The following SGCZ variants were observed in gnomAD, a reference collection of about 807,000 sequenced individuals.
SGCZ encodes sarcoglycan zeta, also known as zeta-sarcoglycan.
Under a neutral mutation model 41.3 loss-of-function variants are expected in SGCZ, and 40 were observed. The ratio of observed to expected loss-of-function variants is 0.97; its 90% confidence interval spans 0.75 to 1.26. The LOEUF (loss-of-function observed/expected upper bound fraction) is 1.26. SGCZ is among the 50% of genes most tolerant of loss of function. The pLI, the probability that SGCZ is intolerant of heterozygous loss-of-function variation, is 0.00. For synonymous variants in SGCZ, 206 were observed against 137.5 expected, an observed-to-expected ratio of 1.50 and a Z score of -3.49; for missense variants, 552 against 369.8, an observed-to-expected ratio of 1.49 and a Z score of -4.04.
At chr8:14,204,125 C>T (rs900452335) in intron 4 of SGCZ, among the ~76,000 whole-genome samples, 1 of 152,028 alleles carries the variant, frequency 6.6e-6, no homozygotes, top group Non-Finnish European at 1.5e-5. Flanking sequence ...TTCGGACCGT[C>T]TTCGGCAAAT....
chr8:15,139,677 T>C (rs576789050), intron 1 of SGCZ, among the ~76,000 whole-genome samples: 3 of 152,028 alleles, frequency 2.0e-5, no homozygotes, highest in East Asian at 3.9e-4. Context: ...CCATAAAATA[T>C]TTTAACTATA....
chr8:14,388,358 G>C (rs191996171), intron 2 of SGCZ, among the ~76,000 whole-genome samples: 27 of 151,846 alleles, frequency 1.8e-4, no homozygotes, highest in Non-Finnish European at 3.2e-4. Flanking sequence ...AAAGAGAATT[G>C]GTCAACAATG....
At chr8:14,128,158 A>T (rs1219760293) in intron 5 of SGCZ, among the ~76,000 whole-genome samples, 3 of 152,210 alleles carry the variant, frequency 2.0e-5, no homozygotes, top group Non-Finnish European at 2.9e-5. Context: ...TATTTCAACC[A>T]TTGTGGAAGA....
In SGCZ at chr8:15,047,719, A is replaced by T. The variant is rs548230183; in HGVS notation, c.39+189866T>A. ...TTCTATTATTATTGTCACTGCGCAT[A>T]ATCTGAATGTTTCTATAGCTGCATT... On this transcript the variant is annotated intron_variant, in intron 1 of 7. Transcript: ENST00000382080. Among the ~76,000 whole-genome samples the T allele has an allele frequency of 3.3e-5, 5 of 152,148 alleles. No individual in the cohort carries two copies. The South Asian group carries it at 1.0e-3, about 32-fold the overall frequency.
intron 1 of SGCZ, among the ~76,000 whole-genome samples, chr8:15,006,439 T>C (rs962512795): frequency 6.6e-6 from 1 of 152,166 alleles, no homozygotes; most frequent in African/African-American, 2.4e-5. Flanking sequence ...CATTCAACAC[T>C]GAAGAACACT....
chr8:15,080,563 G>A (rs1041840055), intron 1 of SGCZ, among the ~76,000 whole-genome samples: 2 of 152,006 alleles, frequency 1.3e-5, no homozygotes, highest in Non-Finnish European at 2.9e-5. Context: ...TCATTAGGGT[G>A]AGCCCTAATC....
chr8:14,407,176 C>A (rs1237349281), intron 2 of SGCZ, among the ~76,000 whole-genome samples: 1 of 144,442 alleles, frequency 6.9e-6, no homozygotes, highest in African/African-American at 2.6e-5. Context: ...TCAAGCTATT[C>A]TCCTGCCTCA....
In SGCZ at chr8:14,165,134, G is replaced by A. The variant is rs188907271; in HGVS notation, c.425-432C>T. 1.1e-3 allele frequency: 164 copies of A among 155,420 alleles called. 1 individual carries two copies. The highest frequency in any genetic ancestry group is 3.3e-3 in the Middle Eastern group (1 of 304). The allele number at this position is 155,420 out of a possible 1,614,324, so 9.6% of individuals were successfully genotyped here. A position where few individuals can be genotyped will look rare whatever the true frequency, so the allele number is the denominator to read the frequency against. The stretch of plus-strand genomic sequence containing the variant: ...TAGTACCCATGCTTGCTACATCACG[G>A]AGGACTTGTTAAGCATTATTCAATT... On this transcript the variant is annotated intron_variant, in intron 4 of 7. Transcript: ENST00000382080.
At chr8:14,202,175 G>C (rs751884610) in intron 4 of SGCZ, among the ~76,000 whole-genome samples, 1 of 152,204 alleles carries the variant, frequency 6.6e-6, no homozygotes, top group Admixed American at 6.5e-5. Flanking sequence ...AGAAGAGTCA[G>C]TGTTAGAGTG....
intron 2 of SGCZ, among the ~76,000 whole-genome samples, chr8:14,345,487 T>C (rs1385692371): frequency 6.6e-6 from 1 of 152,138 alleles, no homozygotes; most frequent in African/African-American, 2.4e-5. Flanking sequence ...GTATAGGTTA[T>C]GGAGAAAAGT....
At chr8:14,511,720 T>G (rs1365676080) in intron 2 of SGCZ, among the ~76,000 whole-genome samples, 2 of 152,130 alleles carry the variant, frequency 1.3e-5, no homozygotes, top group African/African-American at 4.8e-5. Flanking sequence ...AAAAATCCTA[T>G]AATTAAATTA....
At chr8:14,397,376 T>C (rs116583789) in intron 2 of SGCZ, among the ~76,000 whole-genome samples, 6,850 of 152,208 alleles carry the variant, frequency 0.045, 501 homozygotes, top group African/African-American at 0.15. Context: ...TAATGCTTCT[T>C]ATAGGTATTC....
At chr8:14,714,739 A>G (rs1343661066) in intron 1 of SGCZ, among the ~76,000 whole-genome samples, 1 of 152,208 alleles carries the variant, frequency 6.6e-6, no homozygotes, top group African/African-American at 2.4e-5. Flanking sequence ...GAAAAAAATT[A>G]AAAATAAATA....
chr8:14,680,523 A>G (rs983474118), intron 1 of SGCZ, among the ~76,000 whole-genome samples: 1 of 152,016 alleles, frequency 6.6e-6, no homozygotes, highest in Non-Finnish European at 1.5e-5. Context: ...ATCTATTAAA[A>G]ATGAAATAAA....
chr8:14,488,565 T>G (rs1801747999), intron 2 of SGCZ, among the ~76,000 whole-genome samples: 1 of 152,104 alleles, frequency 6.6e-6, no homozygotes, highest in Non-Finnish European at 1.5e-5. Context: ...CTCAAGGATC[T>G]CGGAGCTAAC....
At chr8:14,323,506 G>C (rs1324258950) in intron 3 of SGCZ, among the ~76,000 whole-genome samples, 1 of 152,012 alleles carries the variant, frequency 6.6e-6, no homozygotes, top group Non-Finnish European at 1.5e-5. Flanking sequence ...CCTTCTGAGA[G>C]GTAATGTACA....
At chr8:14,874,720 T>C (rs920069104) in intron 1 of SGCZ, among the ~76,000 whole-genome samples, 1 of 152,130 alleles carries the variant, frequency 6.6e-6, no homozygotes, top group Non-Finnish European at 1.5e-5. Flanking sequence ...GGTGCCTGAG[T>C]ATTCCTCTCT....
intron 4 of SGCZ, among the ~76,000 whole-genome samples, chr8:14,213,557 C>T (rs553777055): frequency 6.6e-6 from 1 of 151,870 alleles, no homozygotes; most frequent in South Asian, 2.1e-4. Flanking sequence ...TTAAAGGAAA[C>T]TTTCCAAACA....
At chr8:14,244,119 C>G (rs1038499384) in intron 3 of SGCZ, among the ~76,000 whole-genome samples, 2 of 151,750 alleles carry the variant, frequency 1.3e-5, no homozygotes, top group Admixed American at 6.6e-5. Flanking sequence ...ATTTAGGAAG[C>G]CATTACTCCC....
Sources: gnomAD v4.1 joint callset for allele counts (sites outside exome capture counted in the v4.1 genomes callset) on GRCh38, gnomAD v4.1.1 for gene constraint, MANE v1.5 for transcripts, NCBI Gene and HGNC (gene_info 2026-07-23, HGNC 2026-07-21) for gene names.